Variants in SYN2 observed in about 807,000 individuals in gnomAD.
The protein encoded by SYN2 is synapsin-2.
SYN2 carries 19 observed loss-of-function variants against 50.9 expected under a neutral mutation model. The ratio of observed to expected loss-of-function variants is 0.37; its 90% CI spans 0.26 to 0.55. The LOEUF is 0.55. Among genes scored for constraint, SYN2 ranks in the 20% least tolerant of loss-of-function variants. The probability of loss-of-function intolerance (pLI) is 0.81; values close to 1 mark genes in which losing one functional copy is unlikely to be tolerated. For synonymous variants in SYN2, 255 were observed against 224.9 expected, an observed-to-expected ratio of 1.13 and a Z score of -1.20; for missense variants, 587 against 576.4, an observed-to-expected ratio of 1.02 and a Z score of -0.19.
intron 5 of SYN2, among the ~76,000 whole-genome samples, chr3:12,152,011 C>G (rs1697312046): frequency 6.6e-6 from 1 of 152,146 alleles, no homozygotes; most frequent in Non-Finnish European, 1.5e-5. Flanking sequence ...TCTTCCCTGT[C>G]CCCACACCCT....
chr3:12,143,638 G>A (rs538928037), intron 3 of SYN2, among the ~76,000 whole-genome samples: 14 of 152,100 alleles, frequency 9.2e-5, no homozygotes, highest in African/African-American at 2.7e-4. Context: ...TAATGACTGC[G>A]TTGTATTCCA....
intron 1 of SYN2, among the ~76,000 whole-genome samples, chr3:12,092,638 A>G (rs564855045): frequency 6.6e-6 from 1 of 152,240 alleles, no homozygotes; most frequent in African/African-American, 2.4e-5. Context: ...ATATTATTTC[A>G]TTTCTCATGC....
intron 1 of SYN2, among the ~76,000 whole-genome samples, chr3:12,083,526 C>T (rs1695624854): frequency 6.6e-6 from 1 of 152,210 alleles, no homozygotes; most frequent in Non-Finnish European, 1.5e-5. Context: ...ATTCCTTCCT[C>T]CCAAAGTTTC....
At chr3:12,101,287 A>C (rs1696069123) in intron 1 of SYN2, among the ~76,000 whole-genome samples, 1 of 152,180 alleles carries the variant, frequency 6.6e-6, no homozygotes, top group Admixed American at 6.5e-5. Context: ...TATGCAATGG[A>C]ATATTAGTAT....
At chr3:12,066,614 T>G (rs1034562455) in intron 1 of SYN2, among the ~76,000 whole-genome samples, 1 of 152,154 alleles carries the variant, frequency 6.6e-6, no homozygotes, top group Non-Finnish European at 1.5e-5. Context: ...CCCTTACATT[T>G]GTGTACTTAT....
At chr3:12,169,538 C>T (rs926665473) in intron 9 of SYN2, among the ~76,000 whole-genome samples, 28 of 152,208 alleles carry the variant, frequency 1.8e-4, no homozygotes, top group Middle Eastern at 3.4e-3. Context: ...AGCCCTGGCA[C>T]GGGTAAAGCT....
chr3:12,132,819 C>G (rs1213301106), intron 1 of SYN2, among the ~76,000 whole-genome samples: 1 of 152,074 alleles, frequency 6.6e-6, no homozygotes, highest in Non-Finnish European at 1.5e-5. Context: ...ACCTTTCATT[C>G]TATCTTTTTG....
intron 1 of SYN2, among the ~76,000 whole-genome samples, chr3:12,021,223 C>T (rs193181306): frequency 1.3e-3 from 192 of 152,286 alleles, no homozygotes; most frequent in African/African-American, 4.5e-3. Flanking sequence ...TCTCAATTTT[C>T]AGGAGACCAA....
chr3:12,079,005 G>A (rs116608341), intron 1 of SYN2, among the ~76,000 whole-genome samples: 1,715 of 152,142 alleles, frequency 0.011, 28 homozygotes, highest in African/African-American at 0.039. Context: ...AGTTCTTCTC[G>A]AAGAGGTCCT....
chr3:12,147,428 G>A (rs1225849858), intron 4 of SYN2, among the ~76,000 whole-genome samples: 2 of 152,132 alleles, frequency 1.3e-5, no homozygotes, highest in Non-Finnish European at 1.5e-5. Flanking sequence ...CTTTCCTTCT[G>A]CGTGGCCTGA....
chr3:12,156,181 C>G (rs780045169), intron 5 of SYN2, among the ~76,000 whole-genome samples: 1 of 152,160 alleles, frequency 6.6e-6, no homozygotes, highest in Non-Finnish European at 1.5e-5. Context: ...TTTTCTTTCC[C>G]TTGCTTTCTT....
intron 3 of SYN2, among the ~76,000 whole-genome samples, chr3:12,142,942 C>G (rs1697055983): frequency 6.6e-6 from 1 of 152,058 alleles, no homozygotes; most frequent in Non-Finnish European, 1.5e-5. Context: ...TTCTGAAGAT[C>G]AAGAAAGAAG....
intron 1 of SYN2, among the ~76,000 whole-genome samples, chr3:12,011,978 A>G (rs1693919618): frequency 6.6e-6 from 1 of 152,216 alleles, no homozygotes; most frequent in Admixed American, 6.5e-5. Flanking sequence ...AGCCGCAGGT[A>G]TCTGATCTAC....
chr3:12,153,047 A>G, intron 5 of SYN2: 1 of 227,358 alleles, frequency 4.4e-6, no homozygotes, highest in East Asian at 9.2e-5. Context: ...GGGGAAGTAG[A>G]GGATACACAG....
intron 1 of SYN2, among the ~76,000 whole-genome samples, chr3:12,092,663 C>A (rs189384406): frequency 6.6e-6 from 1 of 152,266 alleles, no homozygotes; most frequent in Non-Finnish European, 1.5e-5. Flanking sequence ...TGTCTTCAGC[C>A]AGATTCTAGG....
At chr3:12,034,234 T>C (rs1279321740) in intron 1 of SYN2, among the ~76,000 whole-genome samples, 1 of 152,226 alleles carries the variant, frequency 6.6e-6, no homozygotes, top group Non-Finnish European at 1.5e-5. Flanking sequence ...GTCATCCTAC[T>C]CTTTGTGAAG....
intron 1 of SYN2, among the ~76,000 whole-genome samples, chr3:12,078,961 G>A (rs770932249): frequency 1.2e-4 from 18 of 152,210 alleles, no homozygotes; most frequent in Admixed American, 2.0e-4. Context: ...CCATTTGTTT[G>A]TGTCCTCTCT....
At chr3:12,061,222 A>G (rs1483388610) in intron 1 of SYN2, among the ~76,000 whole-genome samples, 1 of 152,154 alleles carries the variant, frequency 6.6e-6, no homozygotes, top group Non-Finnish European at 1.5e-5. Flanking sequence ...AACATTTAAG[A>G]ATGTGAGATA....
intron 5 of SYN2, among the ~76,000 whole-genome samples, chr3:12,152,644 G>A (rs551933077): frequency 2.4e-4 from 36 of 152,330 alleles, no homozygotes; most frequent in Admixed American, 1.4e-3. Context: ...TTGCCCTCAA[G>A]AGAGGACCAC....
Sources: allele counts gnomAD v4.1 joint callset (sites outside exome capture counted in the v4.1 genomes callset), GRCh38; gene constraint gnomAD v4.1.1; transcripts MANE v1.5; gene names NCBI Gene and HGNC (gene_info 2026-07-23, HGNC 2026-07-21).